Variants in ITK observed in about 807,000 individuals in gnomAD.
ITK encodes tyrosine-protein kinase ITK/TSK.
In ITK, 45 loss-of-function variants were observed where a neutral mutation model predicts 87.6. The ratio of observed to expected loss-of-function variants is 0.51; its 90% CI spans 0.40 to 0.66. ITK has a LOEUF of 0.66. Among genes scored for constraint, ITK ranks in the 30% least tolerant of loss-of-function variants. ITK has a pLI of 0.00. For synonymous variants in ITK, 303 were observed against 273.6 expected (o/e 1.11, Z -1.06); for missense variants, 605 against 766.3 (o/e 0.79, Z 2.48).
intron 6 of ITK, among the ~76,000 whole-genome samples, chr5:157,224,658 G>T (rs1754495227): frequency 6.6e-6 from 1 of 152,168 alleles, no homozygotes; most frequent in African/African-American, 2.4e-5. Flanking sequence ...GCAGGCGCCT[G>T]TGATTCCAGC....
intron 3 of ITK, 120 bp from the exon 4 acceptor site, chr5:157,214,071 G>T: frequency 1.2e-6 from 1 of 813,074 alleles, no homozygotes; most frequent in Non-Finnish European, 2.2e-6. Context: ...CTTCTGAGTG[G>T]TCTGGGCAAT....
At chr5:157,219,094 C>G (rs2113758700) in intron 5 of ITK, among the ~76,000 whole-genome samples, 1 of 147,784 alleles carries the variant, frequency 6.8e-6, no homozygotes. Flanking sequence ...AATATTAACA[C>G]CAATATCCAC....
chr5:157,214,439 T>A, intron 4 of ITK, 120 bp downstream of exon 4: 1 of 842,210 alleles, frequency 1.2e-6, no homozygotes. Context: ...TTTCAGAATT[T>A]TCCAAGAGGA....
At chr5:157,181,888 C>T (rs796793354) in intron 1 of ITK, among the ~76,000 whole-genome samples, 1 of 152,130 alleles carries the variant, frequency 6.6e-6, no homozygotes, top group Non-Finnish European at 1.5e-5. Context: ...CAGGAATAAT[C>T]CTAATAATGT....
In ITK at chr5:157,208,937, G is replaced by A; in HGVS notation, c.187G>A (p.Val63Ile). 1 of 1,614,132 alleles carries A rather than the reference G, an allele frequency of 6.2e-7. No individual in the cohort carries two copies. Among genetic ancestry groups the A allele is most frequent in the Non-Finnish European group, 8.5e-7 (1 of 1,180,004 alleles). Reference protein sequence around the residue: ...GSIELSRIKCVEIVKSDISIP... With the variant: ...GSIELSRIKCIEIVKSDISIP... ...CATTGAGCTCTCCCGAATCAAATGT[G>A]TTGAGATTGTGAAAAGTGACATCAG... is the stretch of plus-strand genomic sequence containing the variant. The change falls in exon 2 of 17, where the codon GTT (valine) becomes ATT (isoleucine). Residue 63 changes from valine (V) to isoleucine (I), a missense_variant. By Grantham distance (29) the Val-to-Ile change is conservative. This residue lies in a region of ITK where 464 missense variants were observed against 578.0 expected (regional missense o/e 0.80). Coordinates refer to ENST00000422843, the MANE Select transcript of ITK (RefSeq NM_005546.4).
intron 1 of ITK, among the ~76,000 whole-genome samples, chr5:157,182,991 A>G (rs1753567871): frequency 6.6e-6 from 1 of 152,170 alleles, no homozygotes; most frequent in African/African-American, 2.4e-5. Flanking sequence ...CAATTACTTC[A>G]TTCTGGGGAG....
intron 1 of ITK, among the ~76,000 whole-genome samples, chr5:157,197,328 G>T (rs189840618): frequency 2.6e-5 from 4 of 152,192 alleles, no homozygotes; most frequent in African/African-American, 9.6e-5. Context: ...GCATCATTTC[G>T]CACACCCAGC....
At chr5:157,191,558 C>CGAAA (rs1422752881) in intron 1 of ITK, among the ~76,000 whole-genome samples, 35 of 152,206 alleles carry the variant, frequency 2.3e-4, no homozygotes, top group African/African-American at 8.2e-4. Context: ...TCTTTTCCCT[C>CGAAA]ATGCAGATGT....
At chr5:157,209,118 G>A (rs780587940) in intron 2 of ITK, 125 bp downstream of exon 2, 6 of 723,630 alleles carry the variant, frequency 8.3e-6, no homozygotes, top group African/African-American at 1.7e-5. Context: ...GGCAGATCAC[G>A]AGGTCAGGAG....
chr5:157,183,711 T>A (rs1753587085), intron 1 of ITK, among the ~76,000 whole-genome samples: 1 of 152,220 alleles, frequency 6.6e-6, no homozygotes, highest in African/African-American at 2.4e-5. Context: ...TAGATATACA[T>A]GCATTATGAG....
chr5:157,238,124 T>C lies in ITK; in HGVS notation c.784T>C (p.Phe262Leu). Residue 262 changes from phenylalanine to leucine, a missense_variant, in exon 9 of 17, where the codon TTC becomes CTC. Around this residue, in one of 3 missense-constraint regions of ITK, gnomAD observed 464 missense variants for 578.0 expected, o/e 0.80. Transcript: ENST00000422843. ...LLLDTGKEGA[F>L]MVRDSRTAGT... Reference sequence around the variant, plus strand: ...ACCATTCCAGGGCAAAGAAGGAGCCTTCATGGTAAGGGATTCCAGGACTGC... The same window carrying C: ...ACCATTCCAGGGCAAAGAAGGAGCCCTCATGGTAAGGGATTCCAGGACTGC... 1 of 1,613,680 alleles carries C rather than the reference T, an allele frequency of 6.2e-7. No homozygotes were observed. The highest frequency in any genetic ancestry group is 1.1e-5 in the South Asian group (1 of 91,074).
intron 1 of ITK, among the ~76,000 whole-genome samples, chr5:157,205,103 T>C (rs1754053991): frequency 6.6e-6 from 1 of 152,226 alleles, no homozygotes; most frequent in Admixed American, 6.5e-5. Context: ...ACTTCTTTAA[T>C]TGGGAAGATA....
At chr5:157,243,481 G>T (rs896246778) in intron 11 of ITK, 142 bp from the exon 12 acceptor site, 47 of 755,710 alleles carry the variant, frequency 6.2e-5, no homozygotes, top group Non-Finnish European at 1.0e-4. Context: ...TTATTATGTG[G>T]GAAAAAGATA....
chr5:157,230,061 T>G (rs1754619397), intron 7 of ITK, among the ~76,000 whole-genome samples: 1 of 152,188 alleles, frequency 6.6e-6, no homozygotes, highest in African/African-American at 2.4e-5. Context: ...AGATCTGCAG[T>G]TAAGTAATAG....
At chr5:157,197,275 G>C (rs1753871328) in intron 1 of ITK, among the ~76,000 whole-genome samples, 2 of 152,172 alleles carry the variant, frequency 1.3e-5, no homozygotes, top group South Asian at 4.1e-4. Flanking sequence ...GTGCTCTCTA[G>C]CTGCTGCTCA....
chr5:157,231,040 G>A (rs1430679813), intron 7 of ITK, among the ~76,000 whole-genome samples: 3 of 152,212 alleles, frequency 2.0e-5, no homozygotes, highest in Admixed American at 1.3e-4. Flanking sequence ...CTTTTTATTC[G>A]TGAACTTAGT....
At position 157,243,601 on chromosome 5, in the gene ITK, G is replaced by T. The variant is rs747971022; in HGVS notation, c.1061-22G>T. The T allele has an allele frequency of 1.9e-5, 30 of 1,599,898 alleles. No homozygotes were observed. In the South Asian group the frequency reaches 3.1e-4, roughly 16 times the overall value. ...ATATCTACTGCTTGCTGACCCCAGA[G>T]AACTCTCTCTCTCTCTTCCAGGGAA... On this transcript the variant is annotated intron_variant, in intron 11 of 16. Transcript: ENST00000422843.
Position 157,227,332 on chromosome 5 carries a change from T to C in ITK, c.648-964T>C, listed in dbSNP as rs536880756. ...AAGTTATACACAAATGTAAAGAAGT[T>C]TGATATTCTTATTTTGTTTATTATG... On this transcript the variant is annotated intron_variant, in intron 6 of 16. Coordinates refer to ENST00000422843, the MANE Select transcript of ITK (RefSeq NM_005546.4). Among the ~76,000 whole-genome samples, 5 of 152,316 alleles carry C rather than the reference T, an allele frequency of 3.3e-5. No homozygotes were observed. In the South Asian group the frequency reaches 1.0e-3, roughly 32 times the overall value.
chr5:157,230,472 T>G (rs961506586), intron 7 of ITK, among the ~76,000 whole-genome samples: 2 of 152,220 alleles, frequency 1.3e-5, no homozygotes, highest in Non-Finnish European at 2.9e-5. Flanking sequence ...GAAATTCTAG[T>G]AGATTCTTTA....
Sources: gnomAD v4.1 joint callset for allele counts (sites outside exome capture counted in the v4.1 genomes callset) on GRCh38, gnomAD v4.1.1 for gene constraint, gnomAD v4.1.1 regional missense constraint, MANE v1.5 for transcripts, NCBI Gene and HGNC (gene_info 2026-07-23, HGNC 2026-07-21) for gene names.